Variants in SLC12A3 observed in about 807,000 individuals in gnomAD.
SLC12A3 encodes the protein Na-Cl cotransporter.
In SLC12A3, 104 loss-of-function variants were observed where a neutral mutation model predicts 121.0. The observed-to-expected ratio is 0.86, with a 90% CI of 0.73 to 1.01. The LOEUF (loss-of-function observed/expected upper bound fraction) is 1.01, where lower values mean the gene tolerates loss of function less well. SLC12A3 is among the 50% of genes least tolerant of loss of function. SLC12A3 has a pLI of 0.00. For missense variants in SLC12A3, 1,328 were observed against 1,356.3 expected, an observed-to-expected ratio of 0.98 and a Z score of 0.33; for synonymous variants, 536 against 533.4, an observed-to-expected ratio of 1.00 and a Z score of -0.07.
rs370754985 is a variant in SLC12A3, at chr16:56,887,925, G to T, written c.2179G>T (p.Ala727Ser). The T allele has an allele frequency of 2.4e-5, 39 of 1,610,646 alleles. No individual in the cohort carries two copies. The highest frequency in any genetic ancestry group is 3.1e-5 in the Non-Finnish European group (36 of 1,178,284). Reference protein sequence around the residue: ...LRRGVQILMQAAGLGRMKPNI... With the variant: ...LRRGVQILMQSAGLGRMKPNI... Reference sequence around the variant, plus strand: ...CCATCTCACCCCTATCCCCTGGCAGGCCGCAGGTCTCGGGAGAATGAAGCC... The same window carrying T: ...CCATCTCACCCCTATCCCCTGGCAGTCCGCAGGTCTCGGGAGAATGAAGCC... The change falls in exon 18 of 26, where the codon GCC becomes TCC. Residue 727 changes from alanine (A) to serine (S), a missense_variant and splice_region_variant. Transcript: ENST00000563236.
chr16:56,872,700 G>T lies in SLC12A3; in HGVS notation c.1009G>T (p.Asp337Tyr), dbSNP rs1484747556. The change falls in exon 8 of 26, where the codon GAT becomes TAT. Residue 337 changes from aspartate to tyrosine, a missense_variant. Asp to Tyr is a radical substitution (Grantham distance 160, BLOSUM62 -3). Transcript: ENST00000563236. ...QNLVPDWRGP[D>Y]GTFFGMFSIF... ...CTTGGTGCCTGACTGGCGGGGTCCA[G>T]ATGGCACCTTCTTCGGAATGTTCTC... 1 of 1,614,248 alleles carries T rather than the reference G, an allele frequency of 6.2e-7. No individual in the cohort carries two copies. The highest frequency in any genetic ancestry group is 8.5e-7 in the Non-Finnish European group (1 of 1,180,042).
chr16:56,877,959 C>T, intron 8 of SLC12A3, 118 bp from the exon 9 acceptor site: 1 of 664,856 alleles, frequency 1.5e-6, no homozygotes, highest in Admixed American at 2.4e-5. Context: ...TGCCCCCAGC[C>T]TCAGCCTTAG....
At chr16:56,909,910 T>C (rs1473438439) in intron 25 of SLC12A3, among the ~76,000 whole-genome samples, 1 of 152,238 alleles carries the variant, frequency 6.6e-6, no homozygotes, top group Non-Finnish European at 1.5e-5. Context: ...CTTGATTGAT[T>C]GCTGTTCACT....
Position 56,913,285 on chromosome 16 carries a change from G to A in SLC12A3, c.2946G>A (p.Lys982=). The change falls in exon 26 of 26, where the codon AAG becomes AAA. Residue 982 remains lysine, a synonymous_variant. Transcript: ENST00000563236. The part of the protein sequence containing the change: ...LIVITLPIGR[K]GKCPSSLYMA... ...GCAGCACTTTGCCCATAGGGAGGAA[G>A]GGGAAGTGCCCCAGCTCGCTGTACA... 5 of 1,614,184 alleles carry A rather than the reference G, an allele frequency of 3.1e-6. No homozygotes were observed. The highest frequency in any genetic ancestry group is 4.2e-6 in the Non-Finnish European group (5 of 1,180,038).
chr16:56,877,762 T>C (rs890518322), intron 8 of SLC12A3, among the ~76,000 whole-genome samples: 16 of 152,254 alleles, frequency 1.1e-4, no homozygotes, highest in Non-Finnish European at 1.9e-4. Context: ...CCTGGCCAAG[T>C]GGCCTCTGTG....
chr16:56,899,146 C>T (rs2055504116), intron 22 of SLC12A3, among the ~76,000 whole-genome samples: 1 of 152,234 alleles, frequency 6.6e-6, no homozygotes. Flanking sequence ...CAAGCGCAGG[C>T]TTTGATCTAT....
chr16:56,892,079 G>T lies in SLC12A3; in HGVS notation c.2369-4G>T. The T allele has an allele frequency of 6.2e-7, 1 of 1,612,498 alleles. No homozygotes were observed. Among genetic ancestry groups the T allele is most frequent in the African/African-American group, 1.3e-5 (1 of 74,998 alleles). On this transcript the variant is annotated splice_polypyrimidine_tract_variant and splice_region_variant and intron_variant, in intron 19 of 25. Transcript: ENST00000563236. ...TGTGAACAAAGCTGCCTCTTCTTTT[G>T]CAGTTAACCCCGTGTTTGACCCAGC...
chr16:56,894,432 G>A, intron 21 of SLC12A3, 99 bp from the exon 22 acceptor site: 1 of 815,532 alleles, frequency 1.2e-6, no homozygotes. Context: ...CCAGCGAGGA[G>A]AGGAAGGGGT....
chr16:56,874,513 G>T (rs1273050165), intron 8 of SLC12A3, among the ~76,000 whole-genome samples: 1 of 152,174 alleles, frequency 6.6e-6, no homozygotes, highest in Non-Finnish European at 1.5e-5. Flanking sequence ...TAAGAGCTGT[G>T]CATTGAGCCA....
intron 4 of SLC12A3, 59 bp downstream of exon 4, chr16:56,869,883 A>G (rs1383167146): frequency 6.6e-7 from 1 of 1,512,624 alleles, no homozygotes; most frequent in Non-Finnish European, 9.2e-7. Context: ...TCCTGGGAAC[A>G]GGACTCCCAA....
intron 25 of SLC12A3, among the ~76,000 whole-genome samples, chr16:56,912,674 T>C (rs1182741463): frequency 6.6e-6 from 1 of 152,142 alleles, no homozygotes; most frequent in African/African-American, 2.4e-5. Flanking sequence ...ATAAGGCAGA[T>C]CTGGCCTCCT....
intron 25 of SLC12A3, among the ~76,000 whole-genome samples, chr16:56,908,874 A>C (rs2055646013): frequency 6.6e-6 from 1 of 151,984 alleles, no homozygotes; most frequent in East Asian, 1.9e-4. Flanking sequence ...GCCTCCCCAG[A>C]CTCTTCCTTG....
chr16:56,866,332 C>A (rs1964356633), intron 1 of SLC12A3, among the ~76,000 whole-genome samples: 1 of 152,176 alleles, frequency 6.6e-6, no homozygotes, highest in South Asian at 2.1e-4. Flanking sequence ...AATTCGCAGG[C>A]CTTTTCTCCA....
intron 20 of SLC12A3, 80 bp downstream of exon 20, chr16:56,892,213 G>T: frequency 7.4e-7 from 1 of 1,352,258 alleles, no homozygotes; most frequent in South Asian, 1.2e-5. Flanking sequence ...GGGTGGCTAG[G>T]GGTGGGCCAC....
chr16:56,878,049 T>TCCCCCCCCCCC, intron 8 of SLC12A3, 28 bp from the exon 9 acceptor site: 2 of 288,262 alleles, frequency 6.9e-6, no homozygotes, highest in South Asian at 2.4e-5. Flanking sequence ...CCTCCCTCCC[T>TCCCCCCCCCCC]CCCTCCCTCT....
At chr16:56,892,598 C>G (rs1466594953) in intron 20 of SLC12A3, among the ~76,000 whole-genome samples, 1 of 152,144 alleles carries the variant, frequency 6.6e-6, no homozygotes, top group Non-Finnish European at 1.5e-5. Flanking sequence ...TTTCCTTCGT[C>G]CTCTCCCACC....
intron 18 of SLC12A3, among the ~76,000 whole-genome samples, chr16:56,889,666 G>C (rs188174297): frequency 1.1e-3 from 169 of 152,272 alleles, no homozygotes; most frequent in Non-Finnish European, 1.9e-3. Flanking sequence ...GTAGAAATGG[G>C]GTTTTGCCAT....
At chr16:56,870,275 G>A (rs1311517166) in intron 5 of SLC12A3, 40 bp downstream of exon 5, 1 of 1,598,520 alleles carries the variant, frequency 6.3e-7, no homozygotes. Flanking sequence ...AGGGATCCGG[G>A]CAGCCCATTG....
chr16:56,872,338 TCGCC>T lies in SLC12A3; in HGVS notation c.853-11_853-8del, dbSNP rs2055108134. On this transcript the variant is annotated splice_polypyrimidine_tract_variant and intron_variant, in intron 6 of 25. Transcript: ENST00000563236. Reference sequence around the variant, plus strand: ...AAAACTATCTGACCTCTGGGGTCCTTCGCCCCCTCCAGGCCCAGGTGCTGTTCTT... The same window carrying T: ...AAAACTATCTGACCTCTGGGGTCCTTCCCTCCAGGCCCAGGTGCTGTTCTT... 1 of 1,598,896 alleles carries T rather than the reference TCGCC, an allele frequency of 6.3e-7. No homozygotes were observed. The highest frequency in any genetic ancestry group is 1.3e-5 in the African/African-American group (1 of 74,634).
Sources: allele counts gnomAD v4.1 joint callset (sites outside exome capture counted in the v4.1 genomes callset), GRCh38; gene constraint gnomAD v4.1.1; transcripts MANE v1.5; gene names NCBI Gene and HGNC (gene_info 2026-07-23, HGNC 2026-07-21).